Variants in INPP4B observed in about 807,000 individuals in gnomAD.
INPP4B encodes the protein inositol polyphosphate 4-phosphatase type II.
In INPP4B, 55 loss-of-function variants were observed where a neutral mutation model predicts 122.5. The ratio of observed to expected loss-of-function variants is 0.45; its 90% confidence interval spans 0.36 to 0.56. INPP4B has a LOEUF of 0.56. INPP4B is among the 20% of genes least tolerant of loss of function. The probability of loss-of-function intolerance (pLI) is 0.00; values close to 1 mark genes in which losing one functional copy is unlikely to be tolerated. For synonymous variants in INPP4B, 403 were observed against 388.7 expected (o/e 1.04, Z -0.43); for missense variants, 1,000 against 1,097.7 (o/e 0.91, Z 1.26).
At chr4:142,337,738 ATATATAT>A (rs1777274962) in intron 7 of INPP4B, among the ~76,000 whole-genome samples, 1 of 122,356 alleles carries the variant, frequency 8.2e-6, no homozygotes, top group Non-Finnish European at 1.7e-5. Flanking sequence ...ATATATATTT[ATATATAT>A]TATATATTTT....
In INPP4B at chr4:142,529,917, T is replaced by A. The variant is rs138827203; in HGVS notation, c.-190-67191A>T. On this transcript the variant is annotated intron_variant, in intron 2 of 25. Transcript: ENST00000262992. ...AAAATAAAAAAGAGAAACAGAGGTA[T>A]GTTAAAATTTGCAAAGGTTATAAAG... Among the ~76,000 whole-genome samples the A allele has an allele frequency of 6.1e-3, 926 of 152,198 alleles. 13 individuals are homozygous for A. The highest frequency in any genetic ancestry group is 0.021 in the African/African-American group (869 of 41,538).
chr4:142,824,913 T>C (rs548318577), intron 1 of INPP4B, among the ~76,000 whole-genome samples: 3 of 152,302 alleles, frequency 2.0e-5, no homozygotes, highest in South Asian at 2.1e-4. Context: ...AATACTTTCA[T>C]TGACAAAGTG....
intron 5 of INPP4B, among the ~76,000 whole-genome samples, chr4:142,415,420 G>C (rs1198794981): frequency 6.6e-6 from 1 of 152,072 alleles, no homozygotes; most frequent in Non-Finnish European, 1.5e-5. Context: ...ATCAACACTG[G>C]CCATCAGAGA....
chr4:142,634,057 C>A (rs1344481648), intron 2 of INPP4B, among the ~76,000 whole-genome samples: 10 of 149,634 alleles, frequency 6.7e-5, no homozygotes, highest in Non-Finnish European at 1.5e-4. Context: ...GGGGAAAAGG[C>A]AGGGGGCTGG....
chr4:142,262,513 A>G (rs909134694), intron 10 of INPP4B, among the ~76,000 whole-genome samples: 1 of 152,180 alleles, frequency 6.6e-6, no homozygotes. Context: ...CATCTAGTAT[A>G]AACAACCATG....
intron 1 of INPP4B, among the ~76,000 whole-genome samples, chr4:142,806,786 G>GGAAGGAAA (rs1387882828): frequency 7.8e-4 from 59 of 75,990 alleles, no homozygotes; most frequent in African/African-American, 2.3e-3. Context: ...AAAGAAAGAA[G>GGAAGGAAA]GAAAGAAAGA....
chr4:142,632,321 T>TG (rs1299553014), intron 2 of INPP4B, among the ~76,000 whole-genome samples: 1 of 152,072 alleles, frequency 6.6e-6, no homozygotes, highest in African/African-American at 2.4e-5. Flanking sequence ...TTATGCTAAG[T>TG]GAAACAAGCC....
intron 5 of INPP4B, among the ~76,000 whole-genome samples, chr4:142,416,365 C>T (rs1805770695): frequency 1.3e-5 from 2 of 152,092 alleles, no homozygotes; most frequent in Non-Finnish European, 2.9e-5. Flanking sequence ...CCTGAGCATG[C>T]TTTCCCAAAC....
At chr4:142,398,574 T>G (rs991040724) in intron 7 of INPP4B, among the ~76,000 whole-genome samples, 1 of 150,780 alleles carries the variant, frequency 6.6e-6, no homozygotes, top group African/African-American at 2.4e-5. Flanking sequence ...TCAACAGGTA[T>G]AGTTAGACTT....
At chr4:142,701,333 T>C (rs1242037724) in intron 2 of INPP4B, among the ~76,000 whole-genome samples, 1 of 151,474 alleles carries the variant, frequency 6.6e-6, no homozygotes, top group Non-Finnish European at 1.5e-5. Context: ...AGGGTGGAAA[T>C]GATGTATTAT....
rs78333118 is a variant in INPP4B at position 142,359,174 on chromosome 4, C to T, written c.372+43764G>A. On this transcript the variant is annotated intron_variant, in intron 7 of 25. Coordinates refer to ENST00000262992, the MANE Select transcript of INPP4B (RefSeq NM_001101669.3). ...GAGTCTAGCCACAGAATTCTTTCTT[C>T]CCTTTCTTTAAAAGACTGTAAAGAA... 9.7e-3 allele frequency among the ~76,000 whole-genome samples: 1,473 copies of T among 151,894 alleles called. 23 individuals carry two copies. The highest frequency in any genetic ancestry group is 0.034 in the African/African-American group (1,414 of 41,452).
At chr4:142,275,688 T>C (rs368255686) in intron 9 of INPP4B, among the ~76,000 whole-genome samples, 2 of 151,980 alleles carry the variant, frequency 1.3e-5, no homozygotes, top group East Asian at 1.9e-4. Flanking sequence ...AATTCACAAA[T>C]GTCAGAAGCC....
intron 23 of INPP4B, among the ~76,000 whole-genome samples, chr4:142,092,332 C>A (rs568309215): frequency 1.3e-5 from 2 of 151,216 alleles, no homozygotes; most frequent in African/African-American, 4.9e-5. Flanking sequence ...ACTTTATCAC[C>A]CAGGCTGGAG....
At chr4:142,096,387 C>T (rs545430414) in intron 23 of INPP4B, among the ~76,000 whole-genome samples, 1 of 152,230 alleles carries the variant, frequency 6.6e-6, no homozygotes, top group African/African-American at 2.4e-5. Flanking sequence ...GACATTGCAA[C>T]ATAGATAGTA....
chr4:142,789,112 C>T (rs1036918764), intron 1 of INPP4B, among the ~76,000 whole-genome samples: 2 of 152,078 alleles, frequency 1.3e-5, no homozygotes, highest in East Asian at 1.9e-4. Flanking sequence ...CTATGACAAA[C>T]CCACAGCCAA....
At chr4:142,644,284 G>C (rs1751225451) in intron 2 of INPP4B, among the ~76,000 whole-genome samples, 1 of 150,454 alleles carries the variant, frequency 6.6e-6, no homozygotes, top group Non-Finnish European at 1.5e-5. Flanking sequence ...GAGTGGGGGA[G>C]GAGGAGAAGG....
chr4:142,641,019 A>G (rs953285096), intron 2 of INPP4B, among the ~76,000 whole-genome samples: 8 of 152,160 alleles, frequency 5.3e-5, no homozygotes, highest in Admixed American at 5.2e-4. Context: ...GTTTGGCAAT[A>G]TCTGCTAACG....
intron 17 of INPP4B, among the ~76,000 whole-genome samples, chr4:142,148,231 G>C (rs1811851349): frequency 6.6e-6 from 1 of 152,060 alleles, no homozygotes; most frequent in Admixed American, 6.5e-5. Context: ...AAAGGAACTT[G>C]TGTGTGTGTT....
chr4:142,116,003 G>A (rs150579063), intron 21 of INPP4B, among the ~76,000 whole-genome samples: 1,658 of 152,158 alleles, frequency 0.011, 28 homozygotes, highest in African/African-American at 0.037. Context: ...AAAGGCAGGG[G>A]TTGCAATCCT....
Sources: allele counts gnomAD v4.1 joint callset (sites outside exome capture counted in the v4.1 genomes callset), GRCh38; gene constraint gnomAD v4.1.1; transcripts MANE v1.5; gene names NCBI Gene and HGNC (gene_info 2026-07-23, HGNC 2026-07-21).